USH2A: variants seen among roughly 807,000 people sequenced by gnomAD.
USH2A encodes Usher syndrome 2A (autosomal recessive, mild).
Under a neutral mutation model 538.9 loss-of-function variants are expected in USH2A, and 443 were observed. The observed-to-expected ratio is 0.82, with a 90% CI of 0.76 to 0.89. USH2A has a LOEUF of 0.89. USH2A is among the 40% of genes least tolerant of loss of function. The probability of loss-of-function intolerance (pLI) is 0.00; values close to 1 mark genes in which losing one functional copy is unlikely to be tolerated. For synonymous variants in USH2A, 2,413 were observed against 2,273.5 expected (o/e 1.06, Z -1.75); for missense variants, 6,633 against 6,324.8 (o/e 1.05, Z -1.65).
rs779599960 is a variant in USH2A at position 216,250,888 on chromosome 1, T to C, written c.2167+15A>G. The C allele has an allele frequency of 2.0e-5, 32 of 1,613,484 alleles. No individual in the cohort carries two copies. In the African/African-American group the frequency reaches 2.9e-4, roughly 15 times the overall value. On this transcript the variant is annotated intron_variant, in intron 12 of 71. Transcript: ENST00000307340. ...GTAATAGAGATGTGACTGTAAACTT[T>C]TGCGTTACACGTACCAATAACGTTT...
At chr1:216,184,032 A>G (rs780783550) in intron 20 of USH2A, among the ~76,000 whole-genome samples, 39 of 152,024 alleles carry the variant, frequency 2.6e-4, no homozygotes, top group Admixed American at 2.6e-3. Flanking sequence ...TCAGGATTTC[A>G]CTGATGCTAA....
At chr1:216,051,006 C>G (rs1428050853) in intron 30 of USH2A, among the ~76,000 whole-genome samples, 1 of 152,102 alleles carries the variant, frequency 6.6e-6, no homozygotes, top group African/African-American at 2.4e-5. Flanking sequence ...CCTTCTGTGA[C>G]ATTGAACTTT....
chr1:215,803,183 A>G (rs1662390787), intron 49 of USH2A, among the ~76,000 whole-genome samples: 1 of 152,206 alleles, frequency 6.6e-6, no homozygotes, highest in Non-Finnish European at 1.5e-5. Flanking sequence ...ATCATACTGA[A>G]TGGGCAAAAA....
At chr1:215,884,980 A>T in intron 41 of USH2A, among the ~76,000 whole-genome samples, 1 of 152,180 alleles carries the variant, frequency 6.6e-6, no homozygotes, top group Non-Finnish European at 1.5e-5. Context: ...AGGGGCATCA[A>T]GGTTTACAGG....
chr1:216,229,024 A>T (rs947648224), intron 14 of USH2A, among the ~76,000 whole-genome samples: 1 of 152,022 alleles, frequency 6.6e-6, no homozygotes, highest in African/African-American at 2.4e-5. Context: ...ATACAAAAAA[A>T]TTAGCCAGGC....
chr1:216,354,751 T>C (rs980058377), intron 4 of USH2A, among the ~76,000 whole-genome samples: 1 of 151,720 alleles, frequency 6.6e-6, no homozygotes, highest in Non-Finnish European at 1.5e-5. Context: ...CCAATATCTA[T>C]GGGACAATAT....
At chr1:215,626,700 T>C (rs910050402) in intron 71 of USH2A, among the ~76,000 whole-genome samples, 2 of 152,186 alleles carry the variant, frequency 1.3e-5, no homozygotes, top group Non-Finnish European at 2.9e-5. Context: ...AGGAGCTCTG[T>C]AGTCAGATGA....
intron 4 of USH2A, among the ~76,000 whole-genome samples, chr1:216,360,875 C>T (rs1321382535): frequency 6.6e-6 from 1 of 151,886 alleles, no homozygotes; most frequent in Non-Finnish European, 1.5e-5. Flanking sequence ...CTCCTAAATA[C>T]AAATGAGTAA....
intron 49 of USH2A, among the ~76,000 whole-genome samples, chr1:215,802,025 C>CA (rs1437758366): frequency 2.7e-5 from 4 of 147,550 alleles, no homozygotes; most frequent in Non-Finnish European, 6.0e-5. Flanking sequence ...AGGAAAGGAC[C>CA]TTTTTTTTTT....
At chr1:216,127,093 CA>C (rs1273049288) in intron 21 of USH2A, among the ~76,000 whole-genome samples, 4 of 152,190 alleles carry the variant, frequency 2.6e-5, no homozygotes, top group African/African-American at 7.2e-5. Context: ...AAATATATTT[CA>C]AATGCTGGAG....
At chr1:216,347,667 A>T (rs1183287491) in intron 4 of USH2A, among the ~76,000 whole-genome samples, 2 of 152,146 alleles carry the variant, frequency 1.3e-5, no homozygotes, top group Non-Finnish European at 2.9e-5. Context: ...CATTATCAGT[A>T]ATAGTTATAA....
At chr1:216,110,669 T>C (rs940107686) in intron 21 of USH2A, among the ~76,000 whole-genome samples, 2 of 152,200 alleles carry the variant, frequency 1.3e-5, no homozygotes, top group African/African-American at 4.8e-5. Context: ...ATATGTAATC[T>C]ACAGCTATAA....
rs533751971 is a variant in USH2A at position 215,888,951 on chromosome 1, A to G, written c.7698T>C (p.Tyr2566=). 5 of 1,614,196 alleles carry G rather than the reference A, an allele frequency of 3.1e-6. No homozygotes were observed. The East Asian group carries it at 1.1e-4, about 36-fold the overall frequency. ...PRKSNGVITH[Y]NIYLHGRLYL... ...ATAGACGGCCATGTAGATAAATGTT[A>G]TAATGGGTAATAACCCCATTGGATT... The change falls in exon 41 of 72, where the codon TAT becomes TAC. Residue 2566 remains tyrosine (Y), a synonymous_variant. Coordinates refer to ENST00000307340, the MANE Select transcript of USH2A (RefSeq NM_206933.4).
intron 3 of USH2A, among the ~76,000 whole-genome samples, chr1:216,391,368 T>G (rs2039103839): frequency 6.6e-6 from 1 of 152,210 alleles, no homozygotes; most frequent in South Asian, 2.1e-4. Context: ...AATTGGTCAG[T>G]CAGTCATCAA....
At chr1:215,825,702 C>T (rs1384952617) in intron 47 of USH2A, among the ~76,000 whole-genome samples, 1 of 152,054 alleles carries the variant, frequency 6.6e-6, no homozygotes. Flanking sequence ...TTATGTAACA[C>T]TCAAGTTCTT....
chr1:216,160,387 C>T (rs2034032978), intron 21 of USH2A, among the ~76,000 whole-genome samples: 1 of 151,896 alleles, frequency 6.6e-6, no homozygotes, highest in Non-Finnish European at 1.5e-5. Flanking sequence ...TCCATAATTT[C>T]TTTTTGAGCC....
At chr1:216,228,207 A>T (rs111832208) in intron 14 of USH2A, among the ~76,000 whole-genome samples, 358 of 152,304 alleles carry the variant, frequency 2.4e-3, no homozygotes, top group African/African-American at 8.3e-3. Context: ...ATAAGTGATC[A>T]CAAAATCCAG....
intron 13 of USH2A, among the ~76,000 whole-genome samples, chr1:216,242,057 G>T (rs951925539): frequency 6.6e-6 from 1 of 152,008 alleles, no homozygotes; most frequent in African/African-American, 2.4e-5. Context: ...TTGAGGGCAA[G>T]GATTACCTTA....
intron 55 of USH2A, among the ~76,000 whole-genome samples, chr1:215,776,137 T>A (rs1661453386): frequency 6.6e-6 from 1 of 152,172 alleles, no homozygotes; most frequent in Non-Finnish European, 1.5e-5. Context: ...ATAACTGATG[T>A]CCAAATTGTT....
Sources: gnomAD v4.1 joint callset for allele counts (sites outside exome capture counted in the v4.1 genomes callset) on GRCh38, gnomAD v4.1.1 for gene constraint, MANE v1.5 for transcripts, NCBI Gene and HGNC (gene_info 2026-07-23, HGNC 2026-07-21) for gene names.